Variants in FADS6 observed in about 807,000 individuals in gnomAD.
The protein encoded by FADS6 is fatty acid desaturase domain family, member 6.
A neutral mutation model predicts 31.7 loss-of-function variants in FADS6; 28 were observed. The ratio of observed to expected loss-of-function variants is 0.88; its 90% CI spans 0.66 to 1.21. The LOEUF (loss-of-function observed/expected upper bound fraction) is 1.21, where lower values mean the gene tolerates loss of function less well. Among genes scored for constraint, FADS6 ranks in the 50% most tolerant of loss-of-function variants. FADS6 has a pLI of 0.00. For synonymous variants in FADS6, 191 were observed against 213.1 expected (o/e 0.90, Z 0.90); for missense variants, 494 against 504.2 (o/e 0.98, Z 0.19).
intron 5 of FADS6, 74 bp from the exon 6 acceptor site, chr17:74,878,551 A>T: frequency 6.5e-7 from 1 of 1,549,008 alleles, no homozygotes; most frequent in South Asian, 1.2e-5. Flanking sequence ...CAGGGGAGGG[A>T]GGGACATCAT....
At chr17:74,886,219 A>G (rs1379786993) in intron 2 of FADS6, among the ~76,000 whole-genome samples, 1 of 149,396 alleles carries the variant, frequency 6.7e-6, no homozygotes, top group Non-Finnish European at 1.5e-5. Flanking sequence ...AGCCTGGGCA[A>G]CAGAGCGAGA....
At chr17:74,882,370 C>G (rs1159616432) in intron 3 of FADS6, among the ~76,000 whole-genome samples, 160 bp downstream of exon 3, 1 of 152,260 alleles carries the variant, frequency 6.6e-6, no homozygotes, top group African/African-American at 2.4e-5. Context: ...GAGCCAGACT[C>G]AGCTCCAGGT....
chr17:74,888,125 A>C, intron 2 of FADS6, among the ~76,000 whole-genome samples: 1 of 122,588 alleles, frequency 8.2e-6, no homozygotes, highest in Non-Finnish European at 1.7e-5. Context: ...GAGCTGAGAC[A>C]CCACACACAC....
At chr17:74,884,924 G>C (rs953367211) in intron 2 of FADS6, among the ~76,000 whole-genome samples, 2 of 152,056 alleles carry the variant, frequency 1.3e-5, no homozygotes, top group Non-Finnish European at 2.9e-5. Flanking sequence ...GGCCAGACTG[G>C]TCTCGAACTC....
chr17:74,882,850 A>G (rs368411229), intron 2 of FADS6, 140 bp from the exon 3 acceptor site: 2 of 1,517,832 alleles, frequency 1.3e-6, no homozygotes, highest in Non-Finnish European at 1.8e-6. Flanking sequence ...AGCCCCAGCT[A>G]ATCCGCTTTG....
At chr17:74,885,311 AAAAT>A (rs1555624973) in intron 2 of FADS6, among the ~76,000 whole-genome samples, 1 of 140,268 alleles carries the variant, frequency 7.1e-6, no homozygotes, top group Non-Finnish European at 1.6e-5. Context: ...ACAAAAAAAA[AAAAT>A]AAATAAATAA....
intron 4 of FADS6, among the ~76,000 whole-genome samples, 177 bp from the exon 5 acceptor site, chr17:74,879,760 A>T (rs2038548283): frequency 6.6e-6 from 1 of 151,714 alleles, no homozygotes; most frequent in South Asian, 2.1e-4. Context: ...TTCTGCACTG[A>T]CTCTCATCCA....
intron 2 of FADS6, among the ~76,000 whole-genome samples, chr17:74,889,870 C>CAAAAAAA (rs59381032): frequency 1.9e-4 from 10 of 53,494 alleles, no homozygotes; most frequent in East Asian, 1.7e-3. Flanking sequence ...GACTCAGTCT[C>CAAAAAAA]AAAAAAAAAA....
At chr17:74,880,610 T>C (rs375797057) in intron 4 of FADS6, among the ~76,000 whole-genome samples, 1 of 152,060 alleles carries the variant, frequency 6.6e-6, no homozygotes, top group South Asian at 2.1e-4. Flanking sequence ...TCCCAAAGTG[T>C]TGGGATTACA....
chr17:74,881,156 C>A lies in FADS6; in HGVS notation c.692G>T (p.Gly231Val), dbSNP rs373051879. Residue 231 changes from glycine to valine, a missense_variant, in exon 4 of 6, where the codon GGC becomes GTC. Physicochemically the swap from Gly to Val is moderately radical, Grantham distance 109. This residue lies in a region of FADS6 where 454 missense variants were observed against 438.5 expected (regional missense o/e 1.04). Transcript: ENST00000612771. ...SHYWLLLNVS[G>V]FKNPSSALGC... ...CAGGGCTGAGCTGGGGTTCTTGAAG[C>A]CTGACACGTTCAGGAGCAGCCAGTA... 2 of 1,613,292 alleles carry A rather than the reference C, an allele frequency of 1.2e-6. No homozygotes were observed. The highest frequency in any genetic ancestry group is 2.2e-5 in the East Asian group (1 of 44,858).
At chr17:74,886,480 A>G in intron 2 of FADS6, among the ~76,000 whole-genome samples, 1 of 124,604 alleles carries the variant, frequency 8.0e-6, no homozygotes, top group African/African-American at 2.9e-5. Flanking sequence ...AAAAAAAAAA[A>G]AAACTAAAAG....
intron 2 of FADS6, among the ~76,000 whole-genome samples, chr17:74,883,228 G>A (rs751413086): frequency 6.6e-6 from 1 of 152,216 alleles, no homozygotes; most frequent in Non-Finnish European, 1.5e-5. Context: ...TGGGGGCCAA[G>A]AGCTTCTCCC....
chr17:74,892,441 A>C, intron 2 of FADS6, 82 bp downstream of exon 2: 1 of 1,500,856 alleles, frequency 6.7e-7, no homozygotes, highest in Non-Finnish European at 8.9e-7. Flanking sequence ...GCACAGCTGG[A>C]CACACCCGCA....
At chr17:74,879,694 T>C (rs2038547721) in intron 4 of FADS6, 111 bp from the exon 5 acceptor site, 1 of 1,146,950 alleles carries the variant, frequency 8.7e-7, no homozygotes, top group East Asian at 2.6e-5. Context: ...ACCTCCCATG[T>C]GGGGGGACCT....
Position 74,878,342 on chromosome 17 carries a change from C to G in FADS6, c.1096G>C (p.Val366Leu). The change falls in exon 6 of 6, where the codon GTG (valine) becomes CTG (leucine). Residue 366 changes from valine (V) to leucine (L), a missense_variant. By Grantham distance (32) the Val-to-Leu change is conservative. Around this residue, in one of 2 missense-constraint regions of FADS6, gnomAD observed 454 missense variants for 438.5 expected, o/e 1.04. Coordinates refer to ENST00000612771, the MANE Select transcript of FADS6 (RefSeq NM_178128.6). ...CCGGCCCGGCCTCATTACAGCCCCACAAGCTCAGTGATGGGTGGGGCCTGC... is the reference window on the plus strand; with the variant it reads ...CCGGCCCGGCCTCATTACAGCCCCAGAAGCTCAGTGATGGGTGGGGCCTGC... Reference protein sequence around the residue: ...MVQAPPITELVGL With the variant: ...MVQAPPITELLGL 6.2e-7 allele frequency: 1 copy of G among 1,613,492 alleles called. No individual in the cohort carries two copies. Among genetic ancestry groups the G allele is most frequent in the Non-Finnish European group, 8.5e-7 (1 of 1,179,718 alleles).
chr17:74,892,456 C>A, intron 2 of FADS6, 67 bp downstream of exon 2: 1 of 1,536,960 alleles, frequency 6.5e-7, no homozygotes, highest in South Asian at 1.3e-5. Context: ...CCCGCATGCT[C>A]GAACAGAAGA....
chr17:74,891,400 A>G (rs1056128259), intron 2 of FADS6, among the ~76,000 whole-genome samples: 9 of 151,930 alleles, frequency 5.9e-5, no homozygotes, highest in Non-Finnish European at 1.5e-5. Context: ...CAGCATTATG[A>G]CACAGTCCAT....
At chr17:74,892,449 G>T in intron 2 of FADS6, 74 bp downstream of exon 2, 2 of 1,516,632 alleles carry the variant, frequency 1.3e-6, no homozygotes, top group Non-Finnish European at 1.8e-6. Flanking sequence ...GGACACACCC[G>T]CATGCTCGAA....
intron 5 of FADS6, among the ~76,000 whole-genome samples, chr17:74,878,796 A>G (rs2038534835): frequency 2.0e-5 from 3 of 152,144 alleles, no homozygotes; most frequent in Admixed American, 2.0e-4. Context: ...TCTCCATTTC[A>G]TCCTCAAAGC....
Sources: allele counts gnomAD v4.1 joint callset (sites outside exome capture counted in the v4.1 genomes callset), GRCh38; gene constraint gnomAD v4.1.1; regional missense constraint gnomAD v4.1.1; transcripts MANE v1.5; gene names NCBI Gene and HGNC (gene_info 2026-07-23, HGNC 2026-07-21).